CSMD2: variants seen among roughly 807,000 people sequenced by gnomAD.
CSMD2 encodes CUB and sushi domain-containing protein 2.
CSMD2 carries 130 observed loss-of-function variants against 398.5 expected under a neutral mutation model. The ratio of observed to expected loss-of-function variants is 0.33; its 90% CI spans 0.28 to 0.38. The LOEUF is 0.38. Ranked by LOEUF, CSMD2 falls within the 10% of genes least tolerant of loss-of-function variation. The probability of loss-of-function intolerance (pLI) is 1.00; values close to 1 mark genes in which losing one functional copy is unlikely to be tolerated. For missense variants in CSMD2, 3,829 were observed against 4,764.9 expected, an observed-to-expected ratio of 0.80 and a Z score of 5.78; for synonymous variants, 1,828 against 1,908.5, an observed-to-expected ratio of 0.96 and a Z score of 1.10.
chr1:33,935,108 G>T (rs1346137190), intron 4 of CSMD2, among the ~76,000 whole-genome samples: 2 of 152,054 alleles, frequency 1.3e-5, no homozygotes, highest in Non-Finnish European at 2.9e-5. Context: ...AATAGGCTGG[G>T]AGTAGAGTGA....
At chr1:34,110,087 TA>T (rs1186553604) in intron 1 of CSMD2, among the ~76,000 whole-genome samples, 5 of 113,478 alleles carry the variant, frequency 4.4e-5, no homozygotes, top group Non-Finnish European at 9.9e-5. Context: ...AACAAGCATA[TA>T]AAAAAAGCTC....
intron 3 of CSMD2, among the ~76,000 whole-genome samples, chr1:34,024,873 G>T (rs149137399): frequency 1.4e-4 from 21 of 152,190 alleles, no homozygotes; most frequent in African/African-American, 5.1e-4. Flanking sequence ...CAGAATTGGG[G>T]AACTCTTTTG....
intron 1 of CSMD2, among the ~76,000 whole-genome samples, chr1:34,147,807 T>C (rs1417763961): frequency 6.6e-6 from 1 of 152,090 alleles, no homozygotes; most frequent in Non-Finnish European, 1.5e-5. Flanking sequence ...GGGTATGGTG[T>C]CCTCAGCGCT....
intron 32 of CSMD2, among the ~76,000 whole-genome samples, chr1:33,628,479 A>G (rs1036216232): frequency 6.6e-6 from 1 of 151,922 alleles, no homozygotes; most frequent in Non-Finnish European, 1.5e-5. Flanking sequence ...GACCAGCCTG[A>G]CCAACATGGT....
At chr1:34,135,575 G>A (rs575620216) in intron 1 of CSMD2, among the ~76,000 whole-genome samples, 37 of 120,416 alleles carry the variant, frequency 3.1e-4, no homozygotes, top group African/African-American at 1.1e-3. Context: ...CAGAGATCAC[G>A]CCACTGCACT....
At chr1:33,913,108 G>A (rs956449498) in intron 5 of CSMD2, among the ~76,000 whole-genome samples, 4 of 152,098 alleles carry the variant, frequency 2.6e-5, no homozygotes, top group South Asian at 4.1e-4. Flanking sequence ...CACTGCATCC[G>A]GCCCTCTTCT....
intron 5 of CSMD2, chr1:33,863,039 C>G (rs1380013324): frequency 1.3e-5 from 2 of 152,194 alleles, no homozygotes; most frequent in Non-Finnish European, 2.9e-5. Context: ...TTAGGTCAAG[C>G]AATCAGCCGT....
intron 3 of CSMD2, among the ~76,000 whole-genome samples, chr1:34,008,962 C>T (rs908334904): frequency 6.6e-6 from 1 of 152,052 alleles, no homozygotes; most frequent in African/African-American, 2.4e-5. Context: ...TTGGTGTGAG[C>T]TCCCCAGCTT....
chr1:33,638,007 T>A (rs1306493424), intron 29 of CSMD2, among the ~76,000 whole-genome samples: 1 of 152,152 alleles, frequency 6.6e-6, no homozygotes, highest in African/African-American at 2.4e-5. Context: ...GGGATGGAAC[T>A]CTGAGAGTCT....
At chr1:33,945,625 T>C (rs1644816149) in intron 3 of CSMD2, among the ~76,000 whole-genome samples, 1 of 152,158 alleles carries the variant, frequency 6.6e-6, no homozygotes, top group Admixed American at 6.5e-5. Flanking sequence ...GCCTCCTTCC[T>C]GCTCCTGTCA....
At chr1:34,141,658 G>A (rs1023923191) in intron 1 of CSMD2, among the ~76,000 whole-genome samples, 3 of 150,264 alleles carry the variant, frequency 2.0e-5, no homozygotes, top group African/African-American at 4.9e-5. Flanking sequence ...TTAGGGGGAT[G>A]AGGTCAGGAA....
At chr1:34,015,666 T>C (rs1558249775) in intron 3 of CSMD2, among the ~76,000 whole-genome samples, 1 of 152,310 alleles carries the variant, frequency 6.6e-6, no homozygotes, top group East Asian at 1.9e-4. Context: ...AGTCTTATTG[T>C]TCATGGCATC....
At chr1:33,798,749 G>A (rs962117723) in intron 10 of CSMD2, among the ~76,000 whole-genome samples, 13 of 152,226 alleles carry the variant, frequency 8.5e-5, no homozygotes, top group African/African-American at 3.1e-4. Context: ...ATTAGGGGGT[G>A]TCACAGCCAC....
chr1:34,157,379 A>G (rs1640899866), intron 1 of CSMD2, among the ~76,000 whole-genome samples: 2 of 151,974 alleles, frequency 1.3e-5, no homozygotes, highest in South Asian at 4.2e-4. Flanking sequence ...GTTGGTGCCT[A>G]TTCAATTGGT....
rs1426583331 is a variant in CSMD2 at position 33,918,138 on chromosome 1, A to C, written c.876T>G (p.Gly292=). Residue 292 remains glycine (G), a synonymous_variant, in exon 5 of 71, where the codon GGT becomes GGG. Transcript: ENST00000373381. ...TCCCAGTGACTTCCAGAAAGTCGTA[A>C]CCATCCTCCAGCTGGAAGTCAATAA... ...LVFIDFQLED[G]YDFLEVTGTE... is the part of the protein sequence containing the mutation. 6.2e-7 allele frequency: 1 copy of C among 1,614,108 alleles called. No individual in the cohort carries two copies. Among genetic ancestry groups the C allele is most frequent in the Non-Finnish European group, 8.5e-7 (1 of 1,180,032 alleles).
chr1:33,716,207 A>G (rs950197799), intron 20 of CSMD2, 79 bp downstream of exon 20: 7 of 1,229,606 alleles, frequency 5.7e-6, no homozygotes, highest in African/African-American at 1.5e-5. Context: ...ATCTGCTAGG[A>G]AAACCAGAGA....
intron 24 of CSMD2, among the ~76,000 whole-genome samples, chr1:33,698,108 C>T (rs989586046): frequency 6.6e-6 from 1 of 152,198 alleles, no homozygotes; most frequent in African/African-American, 2.4e-5. Context: ...CCAAACAGAA[C>T]AACCAATTTT....
chr1:33,798,117 C>A (rs2124907091), intron 10 of CSMD2, among the ~76,000 whole-genome samples: 1 of 152,262 alleles, frequency 6.6e-6, no homozygotes, highest in Non-Finnish European at 1.5e-5. Flanking sequence ...CTGCTTTGGC[C>A]TTTGTTTAAA....
intron 1 of CSMD2, among the ~76,000 whole-genome samples, chr1:34,157,550 C>T (rs993064879): frequency 6.6e-6 from 1 of 151,692 alleles, no homozygotes; most frequent in African/African-American, 2.4e-5. Context: ...TCGACCCCAA[C>T]TCCACCCACC....
Sources: allele counts gnomAD v4.1 joint callset (sites outside exome capture counted in the v4.1 genomes callset), GRCh38; gene constraint gnomAD v4.1.1; transcripts MANE v1.5; gene names NCBI Gene and HGNC (gene_info 2026-07-23, HGNC 2026-07-21).